Variants in MTUS2 observed in about 807,000 individuals in gnomAD.
The protein encoded by MTUS2 is microtubule-associated tumor suppressor candidate 2.
In MTUS2, 40 loss-of-function variants were observed where a neutral mutation model predicts 114.1. The ratio of observed to expected loss-of-function variants is 0.35; its 90% CI spans 0.27 to 0.46. The LOEUF is 0.46. MTUS2 is among the 20% of genes least tolerant of loss of function. The pLI, the probability that MTUS2 is intolerant of heterozygous loss-of-function variation, is 1.00. For missense variants in MTUS2, 1,679 were observed against 1,705.4 expected, an observed-to-expected ratio of 0.98 and a Z score of 0.27; for synonymous variants, 688 against 672.0, an observed-to-expected ratio of 1.02 and a Z score of -0.37.
intron 6 of MTUS2, among the ~76,000 whole-genome samples, chr13:29,286,682 C>CTATCTATCTATCTATATATA (rs1555261582): frequency 6.6e-6 from 1 of 151,748 alleles, no homozygotes; most frequent in Non-Finnish European, 1.5e-5. Context: ...GTCTATCTAT[C>CTATCTATCTATCTATATATA]TATCTATCTA....
intron 5 of MTUS2, among the ~76,000 whole-genome samples, chr13:29,121,436 T>TACACACAC (rs34032510): frequency 1.3e-5 from 2 of 150,218 alleles, no homozygotes; most frequent in Non-Finnish European, 3.0e-5. Context: ...TGTAATGAAA[T>TACACACAC]ACACACACAC....
chr13:29,056,655 T>G (rs1294296083), intron 4 of MTUS2, among the ~76,000 whole-genome samples: 1 of 152,062 alleles, frequency 6.6e-6, no homozygotes, highest in Non-Finnish European at 1.5e-5. Context: ...CCAGTGGTAA[T>G]GTCCCCTTTA....
rs377229829 is a variant in MTUS2 at position 29,454,775 on chromosome 13, A to G, written c.3184+14726A>G. On this transcript the variant is annotated intron_variant, in intron 9 of 15. Coordinates refer to ENST00000612955, the MANE Select transcript of MTUS2 (RefSeq NM_001033602.4). ...GAGATACCCCTGAGGAGCTATCTGC[A>G]TAACTATTTCTTTTCTAGTTCCTCA... Among the ~76,000 whole-genome samples, 426 of 152,338 alleles carry G rather than the reference A, an allele frequency of 2.8e-3. 6 individuals carry two copies. Among genetic ancestry groups the G allele is most frequent in the African/African-American group, 9.8e-3 (406 of 41,586 alleles).
intron 8 of MTUS2, 48 bp downstream of exon 8, chr13:29,359,521 A>G: frequency 6.4e-7 from 1 of 1,561,242 alleles, no homozygotes; most frequent in Non-Finnish European, 8.7e-7. Context: ...GTTGGAGGAG[A>G]GTGTGGTGAT....
At chr13:29,228,151 A>T (rs188041560) in intron 5 of MTUS2, among the ~76,000 whole-genome samples, 1 of 152,346 alleles carries the variant, frequency 6.6e-6, no homozygotes, top group Non-Finnish European at 1.5e-5. Flanking sequence ...CATGGCAAAA[A>T]TTGGAATGAA....
Position 29,499,428 on chromosome 13 carries a change from C to T in MTUS2, c.3798+891C>T, listed in dbSNP as rs191993244. ...AGGATCTCAGATTCTTATTTTTTCC[C>T]TTTATTATTGTTACTTTAAAAATAA... On this transcript the variant is annotated intron_variant, in intron 14 of 15. Coordinates refer to ENST00000612955, the MANE Select transcript of MTUS2 (RefSeq NM_001033602.4). Among the ~76,000 whole-genome samples the T allele has an allele frequency of 3.7e-3, 563 of 152,322 alleles. 3 individuals are homozygous for T. The highest frequency in any genetic ancestry group is 6.6e-3 in the Non-Finnish European group (446 of 68,028).
chr13:28,849,069 A>T (rs373863324), intron 2 of MTUS2, among the ~76,000 whole-genome samples: 5 of 152,176 alleles, frequency 3.3e-5, no homozygotes, highest in African/African-American at 1.2e-4. Context: ...ATCACTTAGC[A>T]TGTTTTGGAG....
intron 4 of MTUS2, among the ~76,000 whole-genome samples, chr13:29,076,667 C>G (rs1367049131): frequency 6.6e-6 from 1 of 152,142 alleles, no homozygotes; most frequent in Non-Finnish European, 1.5e-5. Flanking sequence ...CTGGCTTCCC[C>G]CTCGATGAGC....
chr13:28,895,897 A>G (rs1879236737), intron 2 of MTUS2, among the ~76,000 whole-genome samples: 1 of 152,350 alleles, frequency 6.6e-6, no homozygotes, highest in Admixed American at 6.5e-5. Context: ...GTGCAGATGT[A>G]GGATATTTCC....
chr13:29,467,259 A>C (rs34407832), intron 9 of MTUS2, among the ~76,000 whole-genome samples: 17 of 152,348 alleles, frequency 1.1e-4, no homozygotes, highest in Middle Eastern at 6.8e-3. Flanking sequence ...TCATTTTTTA[A>C]AAGCTCTTTC....
At chr13:29,183,420 C>A (rs1292088465) in intron 5 of MTUS2, among the ~76,000 whole-genome samples, 1 of 152,102 alleles carries the variant, frequency 6.6e-6, no homozygotes, top group African/African-American at 2.4e-5. Flanking sequence ...AGTTCTGTTT[C>A]GGACGTGGCT....
At chr13:29,446,951 A>C (rs943700323) in intron 9 of MTUS2, among the ~76,000 whole-genome samples, 2 of 152,162 alleles carry the variant, frequency 1.3e-5, no homozygotes, top group Non-Finnish European at 2.9e-5. Context: ...TACATTGTAC[A>C]TGTTGATTAT....
intron 10 of MTUS2, chr13:29,484,173 A>G (rs1486360948): frequency 6.6e-6 from 1 of 152,246 alleles, no homozygotes; most frequent in Non-Finnish European, 1.5e-5. Flanking sequence ...GCTTTGTCTC[A>G]TATCCAGGAT....
At chr13:29,330,986 G>A (rs1355332971) in intron 7 of MTUS2, among the ~76,000 whole-genome samples, 1 of 152,170 alleles carries the variant, frequency 6.6e-6, no homozygotes, top group Admixed American at 6.5e-5. Flanking sequence ...GTCAATGGTA[G>A]CTTGATGGGG....
At chr13:28,967,328 C>G (rs1566258379) in intron 2 of MTUS2, among the ~76,000 whole-genome samples, 1 of 152,114 alleles carries the variant, frequency 6.6e-6, no homozygotes, top group Non-Finnish European at 1.5e-5. Context: ...CTGAAATGAT[C>G]TACTCATCAG....
At chr13:28,909,121 C>T (rs570997768) in intron 2 of MTUS2, among the ~76,000 whole-genome samples, 54 of 151,346 alleles carry the variant, frequency 3.6e-4, no homozygotes, top group Non-Finnish European at 6.6e-4. Flanking sequence ...AGTCAGGTAG[C>T]GTGATGCCTC....
At chr13:29,351,575 G>A (rs1167799987) in intron 7 of MTUS2, among the ~76,000 whole-genome samples, 1 of 151,774 alleles carries the variant, frequency 6.6e-6, no homozygotes, top group Non-Finnish European at 1.5e-5. Flanking sequence ...CTACTACAAA[G>A]GCCACTACTG....
At chr13:29,083,329 C>T (rs1889529723) in intron 4 of MTUS2, among the ~76,000 whole-genome samples, 1 of 152,092 alleles carries the variant, frequency 6.6e-6, no homozygotes, top group African/African-American at 2.4e-5. Flanking sequence ...AATGTCATGC[C>T]TGTACTCTTG....
chr13:29,047,735 G>A (rs919851580), intron 4 of MTUS2, among the ~76,000 whole-genome samples: 12 of 152,150 alleles, frequency 7.9e-5, no homozygotes, highest in East Asian at 1.9e-4. Flanking sequence ...GGATGGTCTC[G>A]ATCTCCTGAC....
Sources: allele counts gnomAD v4.1 joint callset (sites outside exome capture counted in the v4.1 genomes callset), GRCh38; gene constraint gnomAD v4.1.1; transcripts MANE v1.5; gene names NCBI Gene and HGNC (gene_info 2026-07-23, HGNC 2026-07-21).